The following SULT1A1 variants were observed in gnomAD, a reference collection of about 807,000 sequenced individuals.
SULT1A1 encodes sulfotransferase family 1A member 1, also known as sulfotransferase 1A1.
In SULT1A1, 35 loss-of-function variants were observed where a neutral mutation model predicts 36.8. The observed-to-expected ratio is 0.95, with a 90% CI of 0.73 to 1.26. The LOEUF is 1.26. SULT1A1 is among the 50% of genes most tolerant of loss of function. The probability of loss-of-function intolerance (pLI) is 0.00; values close to 1 mark genes in which losing one functional copy is unlikely to be tolerated. For synonymous variants in SULT1A1, 119 were observed against 146.0 expected, an observed-to-expected ratio of 0.82 and a Z score of 1.33; for missense variants, 309 against 383.0, an observed-to-expected ratio of 0.81 and a Z score of 1.61.
At chr16:28,619,200 A>C (rs2047603431) in intron 2 of SULT1A1, among the ~76,000 whole-genome samples, 2 of 152,178 alleles carry the variant, frequency 1.3e-5, no homozygotes, top group East Asian at 3.9e-4. Flanking sequence ...TTTAGTAGAG[A>C]CAGGGTTTCA....
rs2047341790 is a variant in SULT1A1, at chr16:28,608,992, C to A, written c.-4-133G>T. Reference sequence around the variant, plus strand: ...ACTTGCCCGCACTCACAAAGCCACTCAGTGGCGGGGCTGGGGCTGAAAACC... The same window carrying A: ...ACTTGCCCGCACTCACAAAGCCACTAAGTGGCGGGGCTGGGGCTGAAAACC... On this transcript the variant is annotated intron_variant, in intron 1 of 7. Transcript: ENST00000314752. The A allele has an allele frequency of 8.9e-6, 14 of 1,565,802 alleles. No homozygotes were observed. In the South Asian group the frequency reaches 1.6e-4, roughly 18 times the overall value.
In SULT1A1 at chr16:28,608,930, T is replaced by C; in HGVS notation, c.-4-71A>G. On this transcript the variant is annotated intron_variant, in intron 1 of 7. Coordinates refer to ENST00000314752, the MANE Select transcript of SULT1A1 (RefSeq NM_001055.4). ...AACAGCAAGAAAGTGGAATTCTTGC[T>C]TTCAGGGAAGTCACTGAGGCCTAGG... 3 of 1,610,622 alleles carry C rather than the reference T, an allele frequency of 1.9e-6. No homozygotes were observed. The Admixed American group carries it at 5.0e-5, about 27-fold the overall frequency.
chr16:28,612,028 C>CAA (rs1371040147), upstream of SULT1A1: 2 of 770 alleles, frequency 2.6e-3, no homozygotes, highest in South Asian at 0.056. Flanking sequence ...AAAAACAAAA[C>CAA]AAAACAAAAA....
At chr16:28,608,635 G>T (rs1352983789) in intron 2 of SULT1A1, 32 bp from the exon 3 acceptor site, 2 of 1,611,486 alleles carry the variant, frequency 1.2e-6, no homozygotes, top group East Asian at 4.5e-5. Flanking sequence ...AGGTGAGCAG[G>T]CTGAGGGCAC....
At chr16:28,622,520 T>C (rs554513861) in intron 1 of SULT1A1, among the ~76,000 whole-genome samples, 1 of 152,106 alleles carries the variant, frequency 6.6e-6, no homozygotes, top group Admixed American at 6.5e-5. Flanking sequence ...CAGGGGAAAA[T>C]CTTGTTACCA....
At chr16:28,608,162 T>C (rs2047292012) in intron 4 of SULT1A1, 129 bp downstream of exon 4, 1 of 1,340,152 alleles carries the variant, frequency 7.5e-7, no homozygotes, top group East Asian at 2.4e-5. Flanking sequence ...TAATTTTGTA[T>C]TTTTAGTAGA....
At chr16:28,623,298 G>A (rs2047695503) in exon 1 of SULT1A1, 1 of 1,537,682 alleles carries the variant, frequency 6.5e-7, no homozygotes, top group East Asian at 2.4e-5. Context: ...CACGCGCCGC[G>A]TCTGGCGCCA....
chr16:28,621,503 A>G (rs868744443), intron 1 of SULT1A1, among the ~76,000 whole-genome samples: 15 of 145,802 alleles, frequency 1.0e-4, no homozygotes, highest in African/African-American at 3.2e-4. Context: ...AAAAAAAAAA[A>G]AAAAAGAAGA....
In SULT1A1 at chr16:28,608,581, A is replaced by G. The variant is rs1321538356; in HGVS notation, c.171T>C (p.Ile57=). Residue 57 remains isoleucine, a synonymous_variant, in exon 3 of 8, where the codon ATT becomes ATC. Coordinates refer to ENST00000314752, the MANE Select transcript of SULT1A1 (RefSeq NM_001055.4). Reference sequence around the variant, plus strand: ...CACCACCCTGGTAGATCATGTCCAGAATCTGGCTTACCCAGGTAGTGCCTG... The same window carrying G: ...CACCACCCTGGTAGATCATGTCCAGGATCTGGCTTACCCAGGTAGTGCCTG... ...PKSGTTWVSQ[I]LDMIYQGGDL... The G allele has an allele frequency of 3.1e-6, 5 of 1,612,278 alleles. No homozygotes were observed. Among genetic ancestry groups the G allele is most frequent in the Non-Finnish European group, 4.2e-6 (5 of 1,178,528 alleles).
At chr16:28,620,573 A>G (rs2047631584) in intron 1 of SULT1A1, among the ~76,000 whole-genome samples, 1 of 151,852 alleles carries the variant, frequency 6.6e-6, no homozygotes, top group Non-Finnish European at 1.5e-5. Flanking sequence ...CAAAAAAAAA[A>G]AAAAAAAAAA....
intron 1 of SULT1A1, chr16:28,609,516 A>C: frequency 1.2e-6 from 1 of 815,864 alleles, no homozygotes; most frequent in Non-Finnish European, 1.8e-6. Context: ...ATAATCCCAG[A>C]CCCTAGGGAG....
intron 6 of SULT1A1, 146 bp from the exon 7 acceptor site, chr16:28,606,382 TCCC>T: frequency 7.1e-7 from 1 of 1,414,038 alleles, no homozygotes; most frequent in Non-Finnish European, 9.7e-7. Flanking sequence ...AGGGCCCCAG[TCCC>T]GGGGGTAAAA....
chr16:28,606,679 G>A (rs2047203856), intron 6 of SULT1A1, 82 bp downstream of exon 6: 1 of 1,572,310 alleles, frequency 6.4e-7, no homozygotes, highest in Non-Finnish European at 8.7e-7. Context: ...GCCCAGGGAG[G>A]GGGCTGGGTG....
chr16:28,606,624 G>T, intron 6 of SULT1A1, 137 bp downstream of exon 6: 1 of 1,391,054 alleles, frequency 7.2e-7, no homozygotes, highest in Middle Eastern at 2.5e-4. Context: ...GGGGAGGCCT[G>T]GGCCAAGAAG....
At chr16:28,610,369 A>G (rs2047406664), upstream of SULT1A1, 1 of 537,636 alleles carries the variant, frequency 1.9e-6, no homozygotes, top group African/African-American at 2.1e-5. Flanking sequence ...TCTCTAATTG[A>G]CCCAGGCAAG....
intron 2 of SULT1A1, among the ~76,000 whole-genome samples, chr16:28,617,690 C>T (rs147707114): frequency 1.3e-3 from 191 of 152,108 alleles, no homozygotes; most frequent in African/African-American, 4.0e-3. Context: ...TACAGGCACC[C>T]GCCACCATGC....
chr16:28,618,736 C>T (rs1466405869), intron 2 of SULT1A1, among the ~76,000 whole-genome samples: 1 of 152,166 alleles, frequency 6.6e-6, no homozygotes, highest in Middle Eastern at 3.2e-3. Flanking sequence ...CCCTTGGAAA[C>T]CTTCTCCTTC....
intron 2 of SULT1A1, chr16:28,620,009 G>T: frequency 6.9e-7 from 1 of 1,447,816 alleles, no homozygotes; most frequent in Non-Finnish European, 9.7e-7. Flanking sequence ...GTGTGTGTGT[G>T]TGTATATACA....
At position 28,609,974 on chromosome 16, in the gene SULT1A1, T is replaced by C. The variant is rs1172362524; in HGVS notation, c.-48A>G. 3.9e-6 allele frequency: 5 copies of C among 1,288,082 alleles called. No individual in the cohort carries two copies. The highest frequency in any genetic ancestry group is 4.1e-6 in the Non-Finnish European group (4 of 987,528). 79.8% of individuals were successfully genotyped at this position (1,288,082 alleles called of 1,614,324 possible). On this transcript the variant is annotated 5_prime_UTR_variant, in exon 1 of 8. Coordinates refer to ENST00000314752, the MANE Select transcript of SULT1A1 (RefSeq NM_001055.4). ...GGCCTCGTGCCCTCCTCGCCCGCAG[T>C]GGCTGATTGTGGGTGTTGTGTGGGG... is the stretch of plus-strand genomic sequence containing the variant.
Sources: gnomAD v4.1 joint callset for allele counts (sites outside exome capture counted in the v4.1 genomes callset) on GRCh38, gnomAD v4.1.1 for gene constraint, MANE v1.5 for transcripts, NCBI Gene and HGNC (gene_info 2026-07-23, HGNC 2026-07-21) for gene names.